AHI1: variants seen among roughly 807,000 people sequenced by gnomAD.
AHI1 encodes jouberin.
AHI1 carries 123 observed loss-of-function variants against 149.3 expected under a neutral mutation model. The observed-to-expected ratio is 0.82, with a 90% CI of 0.71 to 0.96. AHI1 has a LOEUF of 0.96. AHI1 is among the 40% of genes least tolerant of loss of function. The probability of loss-of-function intolerance (pLI) is 0.00; values close to 1 mark genes in which losing one functional copy is unlikely to be tolerated. For synonymous variants in AHI1, 475 were observed against 459.8 expected (o/e 1.03, Z -0.42); for missense variants, 1,439 against 1,422.7 (o/e 1.01, Z -0.18).
chr6:135,421,957 T>G (rs2127995841), intron 20 of AHI1, among the ~76,000 whole-genome samples: 1 of 152,254 alleles, frequency 6.6e-6, no homozygotes, highest in East Asian at 1.9e-4. Flanking sequence ...CTTGTATAAG[T>G]ATGAGAATTA....
At chr6:135,401,781 A>C (rs955929321) in intron 22 of AHI1, among the ~76,000 whole-genome samples, 1 of 152,218 alleles carries the variant, frequency 6.6e-6, no homozygotes, top group Admixed American at 6.6e-5. Context: ...CAAGGCTAGA[A>C]AATGGTTTTT....
At chr6:135,479,664 C>G (rs1014707435) in intron 5 of AHI1, among the ~76,000 whole-genome samples, 29 of 152,046 alleles carry the variant, frequency 1.9e-4, no homozygotes, top group Non-Finnish European at 5.9e-5. Flanking sequence ...ATTTCGGGTT[C>G]ATGTTGAAAT....
At chr6:135,334,387 G>A (rs966468511) in intron 24 of AHI1, among the ~76,000 whole-genome samples, 8 of 152,106 alleles carry the variant, frequency 5.3e-5, no homozygotes, top group African/African-American at 1.9e-4. Flanking sequence ...CTATGAACCA[G>A]GAAATGAGCC....
At position 135,358,203 on chromosome 6, in the gene AHI1, AT is replaced by A; in HGVS notation, c.3110-17del. The A allele has an allele frequency of 6.2e-7, 1 of 1,607,370 alleles. No homozygotes were observed. The highest frequency in any genetic ancestry group is 8.5e-7 in the Non-Finnish European group (1 of 1,175,958). On this transcript the variant is annotated splice_polypyrimidine_tract_variant and intron_variant, in intron 23 of 28. Transcript: ENST00000265602. Reference sequence around the variant, plus strand: ...CTGATAATCCCTGTGGAAAGAAAACATTGTGAGTATTTGGTTATTAAGCCTG... The same window carrying A: ...CTGATAATCCCTGTGGAAAGAAAACATGTGAGTATTTGGTTATTAAGCCTG...
chr6:135,372,518 GAAAAAAAAAA>G (rs61208164), intron 23 of AHI1, among the ~76,000 whole-genome samples: 1 of 136,338 alleles, frequency 7.3e-6, no homozygotes, highest in South Asian at 2.3e-4. Flanking sequence ...GAAAAAAAAA[GAAAAAAAAAA>G]AAGAAAAAAA....
chr6:135,330,197 A>C lies in AHI1; in HGVS notation c.3166-6873T>G, dbSNP rs899730123. On this transcript the variant is annotated intron_variant, in intron 24 of 28. Coordinates refer to ENST00000265602, the MANE Select transcript of AHI1 (RefSeq NM_001134831.2). ...CAATTCTCAAAGTTTTACTTTGGGT[A>C]AAATGCTATCAGACAGCACTACATG... Among the ~76,000 whole-genome samples the C allele has an allele frequency of 3.9e-5, 6 of 152,248 alleles. No individual in the cohort carries two copies. In the East Asian group the frequency reaches 9.6e-4, roughly 24 times the overall value.
At chr6:135,323,441 G>T in intron 24 of AHI1, 117 bp from the exon 25 acceptor site, 2 of 1,102,156 alleles carry the variant, frequency 1.8e-6, no homozygotes, top group African/African-American at 3.1e-5. Flanking sequence ...TTTGGTAAGT[G>T]TGAGGCTGTC....
chr6:135,378,080 A>C (rs1157167220), intron 23 of AHI1, among the ~76,000 whole-genome samples: 1 of 152,166 alleles, frequency 6.6e-6, no homozygotes, highest in East Asian at 1.9e-4. Flanking sequence ...AAAAAAACAT[A>C]CTTCAAGGGA....
chr6:135,387,852 T>C (rs984906817), intron 23 of AHI1: 37 of 1,488,130 alleles, frequency 2.5e-5, no homozygotes, highest in Non-Finnish European at 3.0e-5. Flanking sequence ...GTGTTGATTC[T>C]GACAATTCTA....
In AHI1 at chr6:135,348,767, A is replaced by C. The variant is rs547243046; in HGVS notation, c.3165+9365T>G. Among the ~76,000 whole-genome samples the C allele has an allele frequency of 1.9e-3, 282 of 152,354 alleles. 1 individual carries two copies. The highest frequency in any genetic ancestry group is 6.6e-3 in the African/African-American group (274 of 41,578). The stretch of plus-strand genomic sequence containing the variant: ...TTTGACAAGCAGGGTAGCGAGTCAA[A>C]AATGAATCTATGAAATTCAGTAAAA... On this transcript the variant is annotated intron_variant, in intron 24 of 28. Coordinates refer to ENST00000265602, the MANE Select transcript of AHI1 (RefSeq NM_001134831.2).
intron 26 of AHI1, among the ~76,000 whole-genome samples, chr6:135,310,572 G>T (rs1785057017): frequency 6.6e-6 from 1 of 152,154 alleles, no homozygotes; most frequent in African/African-American, 2.4e-5. Context: ...TGCTCTTATT[G>T]ACTCTACATG....
At chr6:135,392,235 G>C (rs1186922590) in intron 23 of AHI1, among the ~76,000 whole-genome samples, 1 of 152,122 alleles carries the variant, frequency 6.6e-6, no homozygotes, top group Admixed American at 6.5e-5. Flanking sequence ...CCTTAAACAA[G>C]GTGGTCACTT....
At chr6:135,411,233 G>C in intron 21 of AHI1, 115 bp downstream of exon 21, 1 of 986,810 alleles carries the variant, frequency 1.0e-6, no homozygotes, top group Non-Finnish European at 1.5e-6. Context: ...TAAAAGTATA[G>C]GAAGGTCTAA....
intron 24 of AHI1, among the ~76,000 whole-genome samples, chr6:135,324,344 GA>G (rs201739517): frequency 6.6e-6 from 1 of 151,170 alleles, no homozygotes; most frequent in East Asian, 1.9e-4. Flanking sequence ...AAAAGAAGAA[GA>G]AAAAAATCCC....
At chr6:135,483,911 C>G (rs1323230094) in intron 5 of AHI1, among the ~76,000 whole-genome samples, 2 of 152,172 alleles carry the variant, frequency 1.3e-5, no homozygotes, top group Non-Finnish European at 2.9e-5. Flanking sequence ...GCTGGAAAAA[C>G]CTGAACCACT....
intron 20 of AHI1, among the ~76,000 whole-genome samples, chr6:135,425,419 T>C (rs1783786808): frequency 6.6e-6 from 1 of 151,892 alleles, no homozygotes; most frequent in African/African-American, 2.4e-5. Flanking sequence ...CTTCAACTGC[T>C]TTCCATATAG....
chr6:135,387,731 T>C lies in AHI1; in HGVS notation c.3109+7045A>G, dbSNP rs967220019. The C allele has an allele frequency of 3.6e-6, 4 of 1,108,112 alleles. No homozygotes were observed. The African/African-American group carries it at 6.5e-5, about 18-fold the overall frequency. 68.6% of individuals were successfully genotyped at this position (1,108,112 alleles called of 1,614,324 possible). A position where few individuals can be genotyped will look rare whatever the true frequency, so the allele number is the denominator to read the frequency against. ...AAAATATCTTCCACTCTTTTGGCAA[T>C]AAAACAAACTGTATAATTTCAAACT... On this transcript the variant is annotated intron_variant, in intron 23 of 28. Coordinates refer to ENST00000265602, the MANE Select transcript of AHI1 (RefSeq NM_001134831.2).
chr6:135,463,593 C>G (rs1790274540), intron 7 of AHI1, among the ~76,000 whole-genome samples: 1 of 152,108 alleles, frequency 6.6e-6, no homozygotes, highest in Non-Finnish European at 1.5e-5. Context: ...AGCAATTGAT[C>G]TCTCTTTACA....
At chr6:135,364,878 C>G (rs59570728) in intron 23 of AHI1, among the ~76,000 whole-genome samples, 1 of 151,380 alleles carries the variant, frequency 6.6e-6, no homozygotes, top group African/African-American at 2.4e-5. Flanking sequence ...AGAGGGAGAC[C>G]GTGGAAAGAG....
Sources: allele counts gnomAD v4.1 joint callset (sites outside exome capture counted in the v4.1 genomes callset), GRCh38; gene constraint gnomAD v4.1.1; transcripts MANE v1.5; gene names NCBI Gene and HGNC (gene_info 2026-07-23, HGNC 2026-07-21).